Variants in OR2L13 observed in about 807,000 individuals in gnomAD.
OR2L13 encodes olfactory receptor family 2 subfamily L member 13, also known as olfactory receptor 2L13.
Under a neutral mutation model 15.3 loss-of-function variants are expected in OR2L13, and 14 were observed. The ratio of observed to expected loss-of-function variants is 0.91; its 90% CI spans 0.60 to 1.43. OR2L13 has a LOEUF of 1.43. Ranked by LOEUF, OR2L13 falls within the 40% of genes most tolerant of loss-of-function variation. The pLI, the probability that OR2L13 is intolerant of heterozygous loss-of-function variation, is 0.00. For missense variants in OR2L13, 367 were observed against 387.9 expected (o/e 0.95, Z 0.45); for synonymous variants, 152 against 142.9 (o/e 1.06, Z -0.45).
chr1:248,074,520 A>G, the OR2L13 span, among the ~76,000 whole-genome samples: 1 of 152,188 alleles, frequency 6.6e-6, no homozygotes, highest in Non-Finnish European at 1.5e-5. Context: ...AAATAAACAT[A>G]CAAAAATCAA....
the OR2L13 span, among the ~76,000 whole-genome samples, chr1:248,027,467 C>T: frequency 1.3e-5 from 2 of 152,134 alleles, no homozygotes; most frequent in Non-Finnish European, 2.9e-5. Context: ...ACACTTCCTC[C>T]CCTTTTGAAA....
chr1:247,963,361 G>A, the OR2L13 span, among the ~76,000 whole-genome samples: 1 of 152,146 alleles, frequency 6.6e-6, no homozygotes, highest in Non-Finnish European at 1.5e-5. Flanking sequence ...GTATGTTAAT[G>A]TATTCTAATT....
At chr1:248,094,660 T>C (rs1348858274), upstream of OR2L13, among the ~76,000 whole-genome samples, 2 of 152,196 alleles carry the variant, frequency 1.3e-5, no homozygotes, top group Admixed American at 6.5e-5. Flanking sequence ...TAAATGGATA[T>C]ATATTGTCAT....
the OR2L13 span, chr1:247,991,305 G>A: frequency 2.8e-6 from 2 of 709,376 alleles, no homozygotes; most frequent in Admixed American, 2.7e-5. Flanking sequence ...TATGTCAAAC[G>A]GAAATTAATC....
At chr1:248,070,762 A>T in the OR2L13 span, among the ~76,000 whole-genome samples, 1 of 152,202 alleles carries the variant, frequency 6.6e-6, no homozygotes, top group Non-Finnish European at 1.5e-5. Flanking sequence ...GAGAAGAATC[A>T]AATAGACGCA....
At chr1:248,017,378 T>C in the OR2L13 span, among the ~76,000 whole-genome samples, 1 of 152,308 alleles carries the variant, frequency 6.6e-6, no homozygotes, top group Non-Finnish European at 1.5e-5. Context: ...AATAATGTTA[T>C]ATGGTAGAAT....
At chr1:247,973,582 G>A in the OR2L13 span, among the ~76,000 whole-genome samples, 23 of 151,940 alleles carry the variant, frequency 1.5e-4, no homozygotes, top group African/African-American at 5.5e-4. Flanking sequence ...CAATGTGCAG[G>A]GCCTGTTAAA....
the OR2L13 span, among the ~76,000 whole-genome samples, chr1:248,025,440 C>G: frequency 6.7e-6 from 1 of 149,096 alleles, no homozygotes; most frequent in East Asian, 1.9e-4. Flanking sequence ...ATTAAAAAGT[C>G]AGAAAACAAC....
the OR2L13 span, among the ~76,000 whole-genome samples, chr1:248,011,334 G>A: frequency 6.6e-6 from 1 of 152,078 alleles, no homozygotes; most frequent in Non-Finnish European, 1.5e-5. Context: ...AATTTTGATG[G>A]TCTTCCCTTT....
chr1:248,022,130 G>A, the OR2L13 span: 3 of 1,613,832 alleles, frequency 1.9e-6, no homozygotes, highest in Admixed American at 3.3e-5. Flanking sequence ...TGTATTTCCT[G>A]CTTAGTCAGC....
chr1:247,955,708 A>T, the OR2L13 span, among the ~76,000 whole-genome samples: 3 of 45,984 alleles, frequency 6.5e-5, no homozygotes, highest in Admixed American at 1.2e-3. Flanking sequence ...AGTGATGATG[A>T]GCATTTTTTT....
chr1:248,022,114 C>T, the OR2L13 span: 1 of 1,613,968 alleles, frequency 6.2e-7, no homozygotes, highest in South Asian at 1.1e-5. Flanking sequence ...CATCTCCACA[C>T]ACCCATGTAT....
chr1:247,985,364 G>A, the OR2L13 span, among the ~76,000 whole-genome samples: 3 of 152,012 alleles, frequency 2.0e-5, no homozygotes, highest in African/African-American at 7.2e-5. Context: ...GCGGTGTTTG[G>A]TTTTTTTGTC....
the OR2L13 span, chr1:248,084,414 A>G: frequency 9.9e-6 from 16 of 1,610,700 alleles, no homozygotes; most frequent in East Asian, 3.1e-4. Flanking sequence ...GAGTTGGCTC[A>G]GGAGGAAGTA....
the OR2L13 span, chr1:248,022,851 C>T: frequency 1.5e-4 from 238 of 1,611,628 alleles, no homozygotes; most frequent in African/African-American, 2.2e-3. Flanking sequence ...GGCCCTGACA[C>T]GAGTGATTCA....
chr1:247,948,374 G>T, the OR2L13 span, among the ~76,000 whole-genome samples: 73 of 152,230 alleles, frequency 4.8e-4, no homozygotes, highest in Middle Eastern at 6.8e-3. Context: ...CTGAGTTTGC[G>T]TCAGGCAGTA....
the OR2L13 span, among the ~76,000 whole-genome samples, chr1:247,973,392 C>G: frequency 1.3e-5 from 2 of 152,078 alleles, no homozygotes; most frequent in African/African-American, 4.8e-5. Context: ...TCATCTCCAC[C>G]CAAAAACTCC....
the OR2L13 span, chr1:248,061,609 G>T: frequency 6.2e-7 from 1 of 1,611,318 alleles, no homozygotes; most frequent in African/African-American, 1.3e-5. Flanking sequence ...AATCTGCTCT[G>T]GGAAAATGTA....
the OR2L13 span, among the ~76,000 whole-genome samples, chr1:248,045,605 C>A: frequency 6.6e-6 from 1 of 152,172 alleles, no homozygotes; most frequent in Non-Finnish European, 1.5e-5. Flanking sequence ...AGACATGGCA[C>A]CTACTATTAC....
Sources: allele counts gnomAD v4.1 joint callset (sites outside exome capture counted in the v4.1 genomes callset), GRCh38; gene constraint gnomAD v4.1.1; transcripts MANE v1.5; gene names NCBI Gene and HGNC (gene_info 2026-07-23, HGNC 2026-07-21).